Variants in PLCXD3 observed in about 807,000 individuals in gnomAD.
PLCXD3 encodes the protein phosphatidylinositol specific phospholipase C X domain containing 3, also known as PI-PLC X domain-containing protein 3.
Under a neutral mutation model 25.5 loss-of-function variants are expected in PLCXD3, and 19 were observed. The observed-to-expected ratio is 0.75, with a 90% confidence interval of 0.52 to 1.09. PLCXD3 has a LOEUF of 1.09. Ranked by LOEUF, PLCXD3 falls within the 50% of genes least tolerant of loss-of-function variation. The pLI is 0.00. For synonymous variants in PLCXD3, 174 were observed against 137.6 expected (o/e 1.26, Z -1.85); for missense variants, 411 against 388.1 (o/e 1.06, Z -0.50).
chr5:41,419,531 G>T (rs948949514), intron 1 of PLCXD3, among the ~76,000 whole-genome samples: 12 of 152,046 alleles, frequency 7.9e-5, no homozygotes, highest in African/African-American at 2.9e-4. Flanking sequence ...TAGTATTTCT[G>T]CTCCATGTTA....
At chr5:41,403,398 G>GTTTTTTTTTTTTTTTGTTTGTTT (rs764950342) in intron 1 of PLCXD3, among the ~76,000 whole-genome samples, 1 of 33,998 alleles carries the variant, frequency 2.9e-5, no homozygotes, top group Admixed American at 2.8e-4. Flanking sequence ...TGACTTATTT[G>GTTTTTTTTTTTTTTTGTTTGTTT]TTGTTTTTTT....
intron 1 of PLCXD3, among the ~76,000 whole-genome samples, chr5:41,400,765 A>T (rs1441259934): frequency 2.0e-5 from 3 of 152,004 alleles, no homozygotes; most frequent in African/African-American, 7.2e-5. Flanking sequence ...AATGAGTAAG[A>T]CCCACTATTT....
chr5:41,413,983 G>T (rs140076582), intron 1 of PLCXD3, among the ~76,000 whole-genome samples: 1 of 152,142 alleles, frequency 6.6e-6, no homozygotes, highest in African/African-American at 2.4e-5. Context: ...AAGCCTTGGA[G>T]GTTCTGATGA....
intron 1 of PLCXD3, among the ~76,000 whole-genome samples, chr5:41,395,463 T>C (rs894013093): frequency 2.0e-5 from 3 of 151,628 alleles, no homozygotes; most frequent in Non-Finnish European, 4.4e-5. Context: ...AAATAATAAA[T>C]ATCGGAGCAG....
At chr5:41,335,179 A>T (rs1743945145) in intron 2 of PLCXD3, among the ~76,000 whole-genome samples, 1 of 152,192 alleles carries the variant, frequency 6.6e-6, no homozygotes, top group African/African-American at 2.4e-5. Context: ...CTCAAAGCAG[A>T]CAGTTTCTAT....
chr5:41,365,960 T>C (rs1744924936), intron 2 of PLCXD3, among the ~76,000 whole-genome samples: 1 of 151,560 alleles, frequency 6.6e-6, no homozygotes, highest in Non-Finnish European at 1.5e-5. Flanking sequence ...TATTTTATTA[T>C]ACTTTAAGTT....
intron 1 of PLCXD3, among the ~76,000 whole-genome samples, chr5:41,502,301 T>TA (rs1365614270): frequency 6.6e-6 from 1 of 152,090 alleles, no homozygotes; most frequent in Non-Finnish European, 1.5e-5. Flanking sequence ...ATCAAGTTTT[T>TA]AAATATAAAA....
intron 1 of PLCXD3, among the ~76,000 whole-genome samples, chr5:41,392,304 A>C (rs1354341590): frequency 6.6e-6 from 1 of 152,028 alleles, no homozygotes; most frequent in African/African-American, 2.4e-5. Context: ...CTGTCACTTC[A>C]CCCCCAGCTT....
At chr5:41,400,711 G>C (rs1461598739) in intron 1 of PLCXD3, among the ~76,000 whole-genome samples, 1 of 152,026 alleles carries the variant, frequency 6.6e-6, no homozygotes, top group Non-Finnish European at 1.5e-5. Context: ...AGGGGCTTCA[G>C]AGGAGGTGGA....
At chr5:41,468,688 A>T (rs1748080750) in intron 1 of PLCXD3, among the ~76,000 whole-genome samples, 1 of 152,168 alleles carries the variant, frequency 6.6e-6, no homozygotes, top group Non-Finnish European at 1.5e-5. Flanking sequence ...ATTAGTATAT[A>T]GAAATGCTAT....
intron 2 of PLCXD3, among the ~76,000 whole-genome samples, chr5:41,358,866 C>A (rs1041225159): frequency 2.0e-4 from 31 of 152,038 alleles, no homozygotes; most frequent in African/African-American, 7.5e-4. Context: ...TCACACATGG[C>A]TTTTATTACA....
At chr5:41,398,056 T>C (rs1469171185) in intron 1 of PLCXD3, among the ~76,000 whole-genome samples, 1 of 152,220 alleles carries the variant, frequency 6.6e-6, no homozygotes, top group Non-Finnish European at 1.5e-5. Flanking sequence ...GAGTTAATGC[T>C]GGAATGAGTT....
rs555207378 is a variant in PLCXD3 at position 41,309,254 on chromosome 5, A to T, written c.*4363T>A. The T allele has an allele frequency of 6.5e-6, 1 of 152,712 alleles. No homozygotes were observed. Among genetic ancestry groups the T allele is most frequent in the Non-Finnish European group, 1.5e-5 (1 of 68,000 alleles). 9.5% of individuals were successfully genotyped at this position (152,712 alleles called of 1,614,324 possible). ...CAGATTCAATTGACATGTTTTACAA[A>T]TTCTACAGAACACTTTATCATTATC... On this transcript the variant is annotated 3_prime_UTR_variant, in exon 3 of 3. Transcript: ENST00000377801.
rs1179204596 is a variant in PLCXD3 at position 41,307,604 on chromosome 5, GCCTCCCCTGTCCCCCAA to G, written c.*5996_*6012del. The G allele has an allele frequency of 6.6e-6, 1 of 152,274 alleles. No individual in the cohort carries two copies. The highest frequency in any genetic ancestry group is 2.4e-5 in the African/African-American group (1 of 41,426). The allele number at this position is 152,274 out of a possible 1,614,324, so 9.4% of individuals were successfully genotyped here. On this transcript the variant is annotated 3_prime_UTR_variant, in exon 3 of 3. Transcript: ENST00000377801. ...CAGATTCTATCCCCTACTTGCGCCTGCCTCCCCTGTCCCCCAACAATGTTCTGAGAAGGTGTCACCAG... is the reference window on the plus strand; with the variant it reads ...CAGATTCTATCCCCTACTTGCGCCTGCAATGTTCTGAGAAGGTGTCACCAG...
At chr5:41,487,941 A>C (rs1203344405) in intron 1 of PLCXD3, among the ~76,000 whole-genome samples, 1 of 151,834 alleles carries the variant, frequency 6.6e-6, no homozygotes, top group African/African-American at 2.4e-5. Context: ...TTATACTTCA[A>C]GTTTTAGGGT....
chr5:41,482,385 G>T (rs1036444374), intron 1 of PLCXD3, among the ~76,000 whole-genome samples: 1 of 152,164 alleles, frequency 6.6e-6, no homozygotes, highest in Non-Finnish European at 1.5e-5. Context: ...TCTGGGCCAC[G>T]TGACTCGTAA....
chr5:41,425,506 A>G (rs1746934502), intron 1 of PLCXD3, among the ~76,000 whole-genome samples: 1 of 152,182 alleles, frequency 6.6e-6, no homozygotes, highest in Non-Finnish European at 1.5e-5. Flanking sequence ...CATAGTTCAC[A>G]TTAGCATTTT....
chr5:41,379,287 A>G (rs1463494022), intron 2 of PLCXD3, among the ~76,000 whole-genome samples: 1 of 151,960 alleles, frequency 6.6e-6, no homozygotes, highest in Non-Finnish European at 1.5e-5. Flanking sequence ...TATGTACACA[A>G]CTCCCTCACT....
rs138469407 is a variant in PLCXD3 at position 41,325,020 on chromosome 5, C to T, written c.813-11250G>A. Among the ~76,000 whole-genome samples, 680 of 152,170 alleles carry T rather than the reference C, an allele frequency of 4.5e-3. 6 individuals are homozygous for T. Among genetic ancestry groups the T allele is most frequent in the African/African-American group, 0.015 (612 of 41,516 alleles). On this transcript the variant is annotated intron_variant, in intron 2 of 2. Coordinates refer to ENST00000377801, the MANE Select transcript of PLCXD3 (RefSeq NM_001005473.3). ...ATCACAGAAACAGCTCCTTAGATGC[C>T]GTCTGTTACTCAGAAGTTAAAATTT...
Sources: allele counts gnomAD v4.1 joint callset (sites outside exome capture counted in the v4.1 genomes callset), GRCh38; gene constraint gnomAD v4.1.1; transcripts MANE v1.5; gene names NCBI Gene and HGNC (gene_info 2026-07-23, HGNC 2026-07-21).